The following KPNA1 variants were observed in gnomAD, a reference collection of about 807,000 sequenced individuals.
The protein encoded by KPNA1 is importin subunit alpha-5.
In KPNA1, 10 loss-of-function variants were observed where a neutral mutation model predicts 70.5. That is an observed-to-expected ratio of 0.14 (90% CI 0.09 to 0.24). KPNA1 has a LOEUF of 0.24. KPNA1 is among the 10% of genes least tolerant of loss of function. The pLI is 1.00. For synonymous variants in KPNA1, 192 were observed against 221.9 expected, an observed-to-expected ratio of 0.87 and a Z score of 1.20; for missense variants, 397 against 637.9, an observed-to-expected ratio of 0.62 and a Z score of 4.07.
chr3:122,477,702 A>G (rs2076518718), intron 2 of KPNA1, among the ~76,000 whole-genome samples: 1 of 152,046 alleles, frequency 6.6e-6, no homozygotes, highest in Admixed American at 6.6e-5. Context: ...TCCTGCTGAG[A>G]CTGTAGAAGT....
chr3:122,478,584 T>G (rs1053457389), intron 2 of KPNA1, among the ~76,000 whole-genome samples: 2 of 151,974 alleles, frequency 1.3e-5, no homozygotes, highest in Admixed American at 6.6e-5. Flanking sequence ...TAGCTGGACA[T>G]GTTGGCACAT....
chr3:122,469,208 C>T (rs2076414323), intron 2 of KPNA1, among the ~76,000 whole-genome samples: 1 of 152,084 alleles, frequency 6.6e-6, no homozygotes, highest in Non-Finnish European at 1.5e-5. Context: ...CTAACAAAAG[C>T]CCACCAAGAG....
At chr3:122,471,781 C>G (rs536695290) in intron 2 of KPNA1, among the ~76,000 whole-genome samples, 1 of 151,114 alleles carries the variant, frequency 6.6e-6, no homozygotes, top group Non-Finnish European at 1.5e-5. Flanking sequence ...GGCCACAGGG[C>G]GAGACTGTCT....
chr3:122,473,657 G>GA (rs1297872515), intron 2 of KPNA1, among the ~76,000 whole-genome samples: 2 of 151,828 alleles, frequency 1.3e-5, no homozygotes, highest in Non-Finnish European at 2.9e-5. Flanking sequence ...AGAAGCATAT[G>GA]AAAAAAAATC....
rs761486949 is a variant in KPNA1 at position 122,467,361 on chromosome 3, G to A, written c.198C>T (p.Gly66=). 1 of 1,608,134 alleles carries A rather than the reference G, an allele frequency of 6.2e-7. No individual in the cohort carries two copies. The highest frequency in any genetic ancestry group is 8.5e-7 in the Non-Finnish European group (1 of 1,175,552). ...ETEEEVMSDG[G]FHEAQISNME... is the part of the protein sequence containing the mutation. The stretch of plus-strand genomic sequence containing the variant: ...TGTTACTAATCTGAGCCTCATGAAA[G>A]CCTCCATCTGACATAACTTCTTCTT... Residue 66 remains glycine, a synonymous_variant, in exon 3 of 14, where the codon GGC becomes GGT. Transcript: ENST00000344337.
chr3:122,473,725 G>GA (rs941071912), intron 2 of KPNA1, among the ~76,000 whole-genome samples: 3 of 151,986 alleles, frequency 2.0e-5, no homozygotes, highest in Non-Finnish European at 2.9e-5. Context: ...GGAATATCCA[G>GA]AAAAAAACCT....
chr3:122,427,681 C>G lies in KPNA1; in HGVS notation c.1286G>C (p.Cys429Ser). 1 of 1,611,932 alleles carries G rather than the reference C, an allele frequency of 6.2e-7. No homozygotes were observed. Among genetic ancestry groups the G allele is most frequent in the Non-Finnish European group, 8.5e-7 (1 of 1,178,702 alleles). ...AGAGTCCATGACCGTGAGGAGATCA[C>G]AGAGCGGCTTGATACAACCCAGTTC... ...LVELGCIKPL[C>S]DLLTVMDSKI... is the part of the protein sequence containing the mutation. The change falls in exon 13 of 14, where the codon TGT becomes TCT. Residue 429 changes from cysteine (C) to serine (S), a missense_variant. Physicochemically the swap from Cys to Ser is moderately radical, Grantham distance 112. Transcript: ENST00000344337.
At chr3:122,499,686 C>T (rs558272111) in intron 1 of KPNA1, among the ~76,000 whole-genome samples, 2 of 151,104 alleles carry the variant, frequency 1.3e-5, no homozygotes, top group Non-Finnish European at 2.9e-5. Context: ...TTGAGTCCAG[C>T]AGTTGCAGGC....
intron 12 of KPNA1, among the ~76,000 whole-genome samples, chr3:122,429,886 TGTTTGTTCC>T (rs2075877768): frequency 2.0e-5 from 3 of 152,176 alleles, no homozygotes; most frequent in Non-Finnish European, 4.4e-5. Flanking sequence ...AATACTTGAA[TGTTTGTTCC>T]CCTGATGGTA....
chr3:122,513,865 G>A (rs900856657), intron 1 of KPNA1, among the ~76,000 whole-genome samples: 1 of 152,156 alleles, frequency 6.6e-6, no homozygotes, highest in Non-Finnish European at 1.5e-5. Flanking sequence ...AGGAGTTGGA[G>A]TACAGCCTGG....
intron 1 of KPNA1, among the ~76,000 whole-genome samples, chr3:122,504,909 CTCTT>C (rs142407585): frequency 0.016 from 2,484 of 151,860 alleles, 64 homozygotes; most frequent in African/African-American, 0.057. Flanking sequence ...TTGGGAGAGA[CTCTT>C]TTTTTTTTTA....
intron 4 of KPNA1, among the ~76,000 whole-genome samples, chr3:122,463,656 T>C (rs2076350100): frequency 6.6e-6 from 1 of 152,022 alleles, no homozygotes; most frequent in South Asian, 2.1e-4. Flanking sequence ...AAAAAGTCAG[T>C]CTCTCAATTT....
intron 1 of KPNA1, among the ~76,000 whole-genome samples, chr3:122,503,272 A>AT (rs2076851175): frequency 6.7e-6 from 1 of 148,688 alleles, no homozygotes; most frequent in Non-Finnish European, 1.5e-5. Flanking sequence ...TATATATATA[A>AT]AGAAAGAAAG....
intron 10 of KPNA1, among the ~76,000 whole-genome samples, chr3:122,441,835 A>G (rs866525800): frequency 2.6e-5 from 4 of 152,220 alleles, no homozygotes; most frequent in Admixed American, 6.5e-5. Flanking sequence ...TCCTGAGCTC[A>G]GGCAATCCGT....
chr3:122,487,593 T>C (rs2076644124), intron 2 of KPNA1, among the ~76,000 whole-genome samples: 1 of 152,180 alleles, frequency 6.6e-6, no homozygotes, highest in South Asian at 2.1e-4. Flanking sequence ...AAAGGGATCC[T>C]GTCACAAGCT....
chr3:122,455,273 G>A (rs1471962222), intron 5 of KPNA1, among the ~76,000 whole-genome samples: 1 of 152,200 alleles, frequency 6.6e-6, no homozygotes, highest in Non-Finnish European at 1.5e-5. Flanking sequence ...ATAACCAATG[G>A]ATGTTCCAAA....
intron 5 of KPNA1, chr3:122,460,183 G>A: frequency 1.0e-6 from 1 of 985,322 alleles, no homozygotes; most frequent in Non-Finnish European, 1.2e-6. Context: ...ACATGTATTT[G>A]TAACTAATAA....
At chr3:122,497,640 T>C (rs1302276762) in intron 1 of KPNA1, among the ~76,000 whole-genome samples, 1 of 152,336 alleles carries the variant, frequency 6.6e-6, no homozygotes, top group East Asian at 1.9e-4. Flanking sequence ...CAACTCATTG[T>C]GGTTTTGGTT....
chr3:122,502,723 A>G (rs1433705410), intron 1 of KPNA1, among the ~76,000 whole-genome samples: 1 of 152,202 alleles, frequency 6.6e-6, no homozygotes, highest in African/African-American at 2.4e-5. Context: ...GTGATGAAAA[A>G]TGATATAAAG....
Sources: allele counts gnomAD v4.1 joint callset (sites outside exome capture counted in the v4.1 genomes callset), GRCh38; gene constraint gnomAD v4.1.1; transcripts MANE v1.5; gene names NCBI Gene and HGNC (gene_info 2026-07-23, HGNC 2026-07-21).